The following FAT3 variants were observed in gnomAD, a reference collection of about 807,000 sequenced individuals.
The protein encoded by FAT3 is protocadherin Fat 3.
Under a neutral mutation model 310.2 loss-of-function variants are expected in FAT3, and 95 were observed. That is an observed-to-expected ratio of 0.31 (90% confidence interval 0.26 to 0.36). FAT3 has a LOEUF of 0.36. FAT3 is among the 10% of genes least tolerant of loss of function. The pLI is 1.00. For missense variants in FAT3, 5,408 were observed against 5,715.6 expected (o/e 0.95, Z 1.74); for synonymous variants, 2,314 against 2,192.9 (o/e 1.06, Z -1.54).
chr11:92,575,146 G>A (rs1453829905), intron 3 of FAT3, among the ~76,000 whole-genome samples: 1 of 151,922 alleles, frequency 6.6e-6, no homozygotes, highest in Non-Finnish European at 1.5e-5. Flanking sequence ...TATCTTTTAG[G>A]TATTTCATGA....
chr11:92,641,352 G>C (rs565656), intron 3 of FAT3, among the ~76,000 whole-genome samples: 73,812 of 152,008 alleles, frequency 0.49, 18,149 homozygotes, highest in African/African-American at 0.5. Context: ...TAGTTTCCTA[G>C]GGCCAATATG....
At position 92,705,284 on chromosome 11, in the gene FAT3, A is replaced by G. The variant is rs545397397; in HGVS notation, c.3669+7839A>G. Among the ~76,000 whole-genome samples, 21 of 150,032 alleles carry G rather than the reference A, an allele frequency of 1.4e-4. No individual in the cohort carries two copies. In the East Asian group the frequency reaches 4.1e-3, roughly 30 times the overall value. On this transcript the variant is annotated intron_variant, in intron 4 of 27. Transcript: ENST00000525166. ...ATTGACATTCCAAGTCTAGCTAAAC[A>G]AGGAGTGGTGATGGTGGTGGTGTGA...
intron 2 of FAT3, among the ~76,000 whole-genome samples, chr11:92,474,928 A>G (rs1011566956): frequency 1.3e-5 from 2 of 152,182 alleles, no homozygotes; most frequent in African/African-American, 4.8e-5. Flanking sequence ...GGCTTGTTCT[A>G]TTTAGAAAAA....
chr11:92,444,253 T>C (rs1009993073), intron 2 of FAT3, among the ~76,000 whole-genome samples: 3 of 152,170 alleles, frequency 2.0e-5, no homozygotes, highest in East Asian at 1.9e-4. Flanking sequence ...GACATGCTCA[T>C]TGGGGATTTA....
intron 3 of FAT3, among the ~76,000 whole-genome samples, chr11:92,693,413 C>G (rs971910471): frequency 6.6e-6 from 1 of 152,184 alleles, no homozygotes; most frequent in Non-Finnish European, 1.5e-5. Context: ...TTGCCTTCCC[C>G]AGTGATGAGT....
chr11:92,472,745 G>A (rs1319001364), intron 2 of FAT3, among the ~76,000 whole-genome samples: 3 of 152,174 alleles, frequency 2.0e-5, no homozygotes, highest in Admixed American at 6.5e-5. Context: ...ATGGCCTCCA[G>A]AGTGCCCACC....
intron 19 of FAT3, among the ~76,000 whole-genome samples, chr11:92,856,223 G>T (rs1383185538): frequency 3.9e-5 from 6 of 152,170 alleles, no homozygotes; most frequent in Non-Finnish European, 7.3e-5. Flanking sequence ...GCTGAGGAAT[G>T]AGCTGCTGGT....
chr11:92,484,134 T>G (rs1443531602), intron 2 of FAT3, among the ~76,000 whole-genome samples: 1 of 152,212 alleles, frequency 6.6e-6, no homozygotes, highest in Non-Finnish European at 1.5e-5. Flanking sequence ...TGTCCAAAGG[T>G]ATGTCTTCTT....
Position 92,844,276 on chromosome 11 carries a change from G to A in FAT3, c.10909G>A (p.Val3637Met). 1.2e-6 allele frequency: 2 copies of A among 1,614,038 alleles called. No individual in the cohort carries two copies. Among genetic ancestry groups the A allele is most frequent in the South Asian group, 2.2e-5 (2 of 91,088 alleles). The part of the protein sequence containing the change: ...FQVPIDVVVH[V>M]EQLVHEMLQN... ...GGTACCCATTGATGTGGTCGTGCAT[G>A]TGGAGCAGTTGGTGCATGAGATGCT... Residue 3637 changes from valine (V) to methionine (M), a missense_variant, in exon 19 of 28, where the codon GTG becomes ATG. By Grantham distance (21) the Val-to-Met change is conservative (BLOSUM62 1). Coordinates refer to ENST00000525166, the MANE Select transcript of FAT3 (RefSeq NM_001367949.2).
At chr11:92,705,312 ATGGTGGTGATGGTGGTGGTGTGATGG>A (rs1169524500) in intron 4 of FAT3, among the ~76,000 whole-genome samples, 4 of 131,014 alleles carry the variant, frequency 3.1e-5, no homozygotes, top group East Asian at 4.8e-4. Context: ...TGGTGTGATG[ATGGTGGTGATGGTGGTGGTGTGATGG>A]TGGTGGTGAT....
intron 2 of FAT3, among the ~76,000 whole-genome samples, chr11:92,505,744 A>G (rs777523053): frequency 6.6e-5 from 10 of 152,156 alleles, no homozygotes; most frequent in Non-Finnish European, 1.0e-4. Flanking sequence ...GATGTGATAA[A>G]TGATAATAAT....
intron 1 of FAT3, among the ~76,000 whole-genome samples, chr11:92,334,883 G>A (rs1272398768): frequency 1.3e-5 from 2 of 152,168 alleles, no homozygotes; most frequent in African/African-American, 2.4e-5. Flanking sequence ...TTACGCTTAC[G>A]TGAGGGAATG....
intron 3 of FAT3, among the ~76,000 whole-genome samples, chr11:92,575,789 T>G (rs1359736458): frequency 6.6e-6 from 1 of 152,146 alleles, no homozygotes; most frequent in East Asian, 1.9e-4. Context: ...TACAAATTGT[T>G]TTTAATCTAA....
At chr11:92,360,344 A>C (rs925846982) in intron 2 of FAT3, among the ~76,000 whole-genome samples, 1 of 152,244 alleles carries the variant, frequency 6.6e-6, no homozygotes, top group East Asian at 1.9e-4. Flanking sequence ...ACAAGCATTT[A>C]ATATATGTTT....
At chr11:92,692,457 G>A (rs571707719) in intron 3 of FAT3, among the ~76,000 whole-genome samples, 3 of 152,296 alleles carry the variant, frequency 2.0e-5, no homozygotes, top group East Asian at 3.9e-4. Flanking sequence ...GCAAAATGTT[G>A]TGTGCTGCAA....
chr11:92,308,299 T>C (rs1947192807), intron 1 of FAT3, among the ~76,000 whole-genome samples: 1 of 152,190 alleles, frequency 6.6e-6, no homozygotes, highest in African/African-American at 2.4e-5. Flanking sequence ...ATTAAACTAG[T>C]TGCACTAGGA....
intron 3 of FAT3, among the ~76,000 whole-genome samples, chr11:92,531,739 C>T (rs1471237075): frequency 2.0e-5 from 3 of 151,864 alleles, no homozygotes; most frequent in East Asian, 3.9e-4. Context: ...AGTGTGGACT[C>T]GCTCTGCCTT....
chr11:92,712,383 G>A (rs1944552537), intron 4 of FAT3, among the ~76,000 whole-genome samples: 1 of 152,134 alleles, frequency 6.6e-6, no homozygotes, highest in Non-Finnish European at 1.5e-5. Context: ...ACCTTGAAAT[G>A]TGGTTTTCAC....
chr11:92,330,427 T>A (rs1458075268), intron 1 of FAT3, among the ~76,000 whole-genome samples: 1 of 152,240 alleles, frequency 6.6e-6, no homozygotes, highest in Non-Finnish European at 1.5e-5. Context: ...TTCATTGTCT[T>A]GTCCTTGGCT....
Sources: gnomAD v4.1 joint callset for allele counts (sites outside exome capture counted in the v4.1 genomes callset) on GRCh38, gnomAD v4.1.1 for gene constraint, MANE v1.5 for transcripts, NCBI Gene and HGNC (gene_info 2026-07-23, HGNC 2026-07-21) for gene names.